The following PTPRT variants were observed in gnomAD, a reference collection of about 807,000 sequenced individuals.
PTPRT encodes the protein protein tyrosine phosphatase receptor type T.
PTPRT carries 56 observed loss-of-function variants against 176.8 expected under a neutral mutation model. The observed-to-expected ratio is 0.32, with a 90% CI of 0.26 to 0.40. PTPRT has a LOEUF of 0.40. Ranked by LOEUF, PTPRT falls within the 10% of genes least tolerant of loss-of-function variation. PTPRT has a pLI of 1.00. For missense variants in PTPRT, 1,540 were observed against 1,908.2 expected (o/e 0.81, Z 3.60); for synonymous variants, 783 against 739.0 (o/e 1.06, Z -0.96).
At chr20:42,695,309 T>G (rs1239966610) in intron 6 of PTPRT, among the ~76,000 whole-genome samples, 2 of 152,198 alleles carry the variant, frequency 1.3e-5, no homozygotes, top group African/African-American at 4.8e-5. Context: ...CTTTTAATTA[T>G]ACTCAAATGT....
At chr20:42,384,522 G>A (rs867777026) in intron 9 of PTPRT, among the ~76,000 whole-genome samples, 37 of 152,296 alleles carry the variant, frequency 2.4e-4, no homozygotes, top group African/African-American at 8.4e-4. Flanking sequence ...TGGGCATTTA[G>A]GTGGCTTCGA....
intron 7 of PTPRT, among the ~76,000 whole-genome samples, chr20:42,676,933 C>G (rs1249689111): frequency 6.6e-6 from 1 of 152,114 alleles, no homozygotes; most frequent in African/African-American, 2.4e-5. Context: ...CAGAGAATCT[C>G]TCCCCTCTTA....
chr20:43,061,583 G>C (rs1390905485), intron 1 of PTPRT, among the ~76,000 whole-genome samples: 1 of 152,184 alleles, frequency 6.6e-6, no homozygotes, highest in Non-Finnish European at 1.5e-5. Flanking sequence ...CCACCATCTG[G>C]AGCTCATGCC....
At chr20:42,637,096 T>G (rs1178858368) in intron 7 of PTPRT, among the ~76,000 whole-genome samples, 1 of 152,138 alleles carries the variant, frequency 6.6e-6, no homozygotes, top group East Asian at 1.9e-4. Context: ...TCCTAAGATT[T>G]AGATTGCTGG....
intron 1 of PTPRT, among the ~76,000 whole-genome samples, chr20:42,963,279 G>A (rs1049705099): frequency 1.3e-5 from 2 of 151,692 alleles, no homozygotes; most frequent in African/African-American, 4.8e-5. Context: ...CCAGATACTC[G>A]GGAGACTGAG....
Position 42,079,478 on chromosome 20 carries a change from T to C in PTPRT, c.*1401A>G. 2 of 221,786 alleles carry C rather than the reference T, an allele frequency of 9.0e-6. No individual in the cohort carries two copies. Among genetic ancestry groups the C allele is most frequent in the Admixed American group, 1.2e-4 (2 of 17,382 alleles). The allele number at this position is 221,786 out of a possible 1,614,324, so 13.7% of individuals were successfully genotyped here. A position where few individuals can be genotyped will look rare whatever the true frequency, so the allele number is the denominator to read the frequency against. ...GGAGGAGATGATCAAATGGAGATGA[T>C]AACAAGTCAGTAGCTCTCTCCTGGG... On this transcript the variant is annotated 3_prime_UTR_variant, in exon 31 of 31. Transcript: ENST00000373187.
chr20:43,042,191 G>A (rs922757668), intron 1 of PTPRT, among the ~76,000 whole-genome samples: 8 of 152,222 alleles, frequency 5.3e-5, no homozygotes, highest in Non-Finnish European at 7.3e-5. Flanking sequence ...CTTAGGTACA[G>A]AGATTCCTAA....
In PTPRT at chr20:42,993,595, C is replaced by T. The variant is rs147195159; in HGVS notation, c.89-107663G>A. Among the ~76,000 whole-genome samples the T allele has an allele frequency of 3.4e-3, 453 of 133,274 alleles. 24 individuals carry two copies. Among genetic ancestry groups the T allele is most frequent in the African/African-American group, 0.013 (434 of 32,696 alleles). 87.4% of individuals were successfully genotyped at this position (133,274 alleles called of 152,430 possible). On this transcript the variant is annotated intron_variant, in intron 1 of 30. Coordinates refer to ENST00000373187, the MANE Select transcript of PTPRT (RefSeq NM_007050.6). ...ATATATATACAATCTGCCATAAGAA[C>T]TAAAACTCATTTGGGCCTTTCAGTT... is the stretch of plus-strand genomic sequence containing the variant.
At chr20:42,290,553 C>A (rs1226764707) in intron 12 of PTPRT, among the ~76,000 whole-genome samples, 1 of 152,080 alleles carries the variant, frequency 6.6e-6, no homozygotes, top group Non-Finnish European at 1.5e-5. Flanking sequence ...CTCAATGCTG[C>A]GTCTGGTTTT....
intron 1 of PTPRT, among the ~76,000 whole-genome samples, chr20:43,105,737 C>A (rs973151322): frequency 3.3e-5 from 5 of 152,190 alleles, no homozygotes; most frequent in South Asian, 2.1e-4. Flanking sequence ...ACATAAAATT[C>A]TTCATGTTTG....
intron 7 of PTPRT, among the ~76,000 whole-genome samples, chr20:42,638,447 C>A (rs1033831177): frequency 3.3e-5 from 5 of 152,058 alleles, no homozygotes; most frequent in African/African-American, 1.2e-4. Flanking sequence ...GGAAACTGAT[C>A]CTAATCTTGA....
Position 42,780,195 on chromosome 20 carries a change from T to C in PTPRT, c.568+23A>G, listed in dbSNP as rs753786815. 12 of 1,594,176 alleles carry C rather than the reference T, an allele frequency of 7.5e-6. No individual in the cohort carries two copies. In the South Asian group the frequency reaches 9.9e-5, roughly 13 times the overall value. On this transcript the variant is annotated intron_variant, in intron 4 of 30. Transcript: ENST00000373187. ...CAGTCTGGCATGGATCAAGGCTGTG[T>C]TGGGAGGAAGGGAAAGACTTACTGC... is the stretch of plus-strand genomic sequence containing the variant.
chr20:43,035,911 T>C (rs1986359246), intron 1 of PTPRT, among the ~76,000 whole-genome samples: 1 of 152,216 alleles, frequency 6.6e-6, no homozygotes, highest in South Asian at 2.1e-4. Context: ...TGCTCCTGTC[T>C]GGAAGCTGAG....
At chr20:42,322,252 A>C (rs1339040774) in intron 11 of PTPRT, among the ~76,000 whole-genome samples, 1 of 151,118 alleles carries the variant, frequency 6.6e-6, no homozygotes, top group Non-Finnish European at 1.5e-5. Context: ...AGAATTGGAA[A>C]AAACTACTTT....
intron 6 of PTPRT, among the ~76,000 whole-genome samples, chr20:42,688,903 C>G (rs2075745385): frequency 6.6e-6 from 1 of 152,078 alleles, no homozygotes; most frequent in African/African-American, 2.4e-5. Context: ...CTGTCTCTAC[C>G]CTGGAGGAGA....
chr20:43,138,877 T>A (rs2013917288), intron 1 of PTPRT, among the ~76,000 whole-genome samples: 1 of 152,222 alleles, frequency 6.6e-6, no homozygotes, highest in Admixed American at 6.5e-5. Flanking sequence ...AGAGCCTCTG[T>A]CACACTCAGT....
At chr20:42,488,051 C>T (rs1177202350) in intron 7 of PTPRT, among the ~76,000 whole-genome samples, 1 of 152,310 alleles carries the variant, frequency 6.6e-6, no homozygotes, top group East Asian at 1.9e-4. Flanking sequence ...ACACTTCTGA[C>T]ATCCACCCAG....
intron 15 of PTPRT, among the ~76,000 whole-genome samples, chr20:42,222,439 C>T (rs1568684880): frequency 6.6e-6 from 1 of 152,168 alleles, no homozygotes; most frequent in Non-Finnish European, 1.5e-5. Context: ...AGGGGAAGGC[C>T]TCAGGTGATA....
intron 6 of PTPRT, among the ~76,000 whole-genome samples, chr20:42,732,471 AGCCAAGAAGG>A (rs2076475665): frequency 6.6e-6 from 1 of 152,254 alleles, no homozygotes. Flanking sequence ...TGTTTGGCAG[AGCCAAGAAGG>A]AATGTTCATT....
Sources: allele counts gnomAD v4.1 joint callset (sites outside exome capture counted in the v4.1 genomes callset), GRCh38; gene constraint gnomAD v4.1.1; transcripts MANE v1.5; gene names NCBI Gene and HGNC (gene_info 2026-07-23, HGNC 2026-07-21).